Variants in AKAP19 observed in about 807,000 individuals in gnomAD.
AKAP19 encodes small A-kinase anchoring protein.
the AKAP19 span, among the ~76,000 whole-genome samples, chr2:190,126,028 C>T: frequency 1.3e-5 from 2 of 151,794 alleles, no homozygotes; most frequent in African/African-American, 2.4e-5. Flanking sequence ...CACAGTGGCT[C>T]ACACCTGTAA....
the AKAP19 span, among the ~76,000 whole-genome samples, chr2:190,086,953 T>C: frequency 6.6e-6 from 1 of 152,148 alleles, no homozygotes; most frequent in Non-Finnish European, 1.5e-5. Flanking sequence ...AAAGGAACCC[T>C]TCTAGTGTTT....
the AKAP19 span, among the ~76,000 whole-genome samples, chr2:189,999,336 C>T: frequency 6.6e-6 from 1 of 151,984 alleles, no homozygotes; most frequent in East Asian, 1.9e-4. Context: ...ACTTTAACTT[C>T]TGGGTTATTT....
At chr2:189,923,473 C>T in the AKAP19 span, 3 of 1,613,782 alleles carry the variant, frequency 1.9e-6, no homozygotes, top group East Asian at 4.5e-5. Flanking sequence ...TTGTGGGCTG[C>T]TCTGTTCATA....
chr2:189,992,369 TA>T, the AKAP19 span, among the ~76,000 whole-genome samples: 1 of 152,180 alleles, frequency 6.6e-6, no homozygotes, highest in East Asian at 1.9e-4. Flanking sequence ...ATTTTTATAC[TA>T]GTATAAAAAT....
chr2:189,984,573 C>T, the AKAP19 span, among the ~76,000 whole-genome samples: 20 of 149,394 alleles, frequency 1.3e-4, no homozygotes, highest in African/African-American at 2.7e-4. Context: ...AGTCCTGAGG[C>T]GACATACATC....
the AKAP19 span, among the ~76,000 whole-genome samples, chr2:190,090,415 T>C: frequency 6.6e-6 from 1 of 152,234 alleles, no homozygotes; most frequent in South Asian, 2.1e-4. Flanking sequence ...AACAGTGCCA[T>C]GGAGAAGATC....
the AKAP19 span, among the ~76,000 whole-genome samples, chr2:190,034,856 C>CAAAAAAAGA: frequency 1.5e-5 from 1 of 68,640 alleles, no homozygotes. Flanking sequence ...CCTGTCTCAC[C>CAAAAAAAGA]AAAAAAAAAA....
the AKAP19 span, among the ~76,000 whole-genome samples, chr2:189,927,525 G>T: frequency 2.0e-5 from 3 of 152,102 alleles, no homozygotes; most frequent in Non-Finnish European, 4.4e-5. Flanking sequence ...AAAATAGTAT[G>T]AAGAATTCTG....
the AKAP19 span, among the ~76,000 whole-genome samples, chr2:190,016,499 G>A: frequency 6.6e-6 from 1 of 152,042 alleles, no homozygotes; most frequent in Non-Finnish European, 1.5e-5. Context: ...GGGATTACGG[G>A]GATTACAATT....
At chr2:189,924,029 G>T in the AKAP19 span, 8 of 1,562,566 alleles carry the variant, frequency 5.1e-6, no homozygotes, top group African/African-American at 5.4e-5. Flanking sequence ...CGTGAAGAAA[G>T]ATGAGACTAA....
At chr2:190,088,697 T>C in the AKAP19 span, among the ~76,000 whole-genome samples, 2 of 152,198 alleles carry the variant, frequency 1.3e-5, no homozygotes, top group East Asian at 3.8e-4. Context: ...CTAGATCAAG[T>C]GAATATTTTA....
At chr2:190,070,620 C>CA in the AKAP19 span, among the ~76,000 whole-genome samples, 14 of 139,758 alleles carry the variant, frequency 1.0e-4, no homozygotes, top group East Asian at 2.4e-3. Context: ...TCTCTCCCCC[C>CA]CCCCTTTTTT....
At chr2:189,882,187 G>A in the AKAP19 span, among the ~76,000 whole-genome samples, 1 of 152,200 alleles carries the variant, frequency 6.6e-6, no homozygotes, top group African/African-American at 2.4e-5. Context: ...GATTTTCGGA[G>A]TTCACAACTT....
chr2:190,050,454 A>T, the AKAP19 span, among the ~76,000 whole-genome samples: 7 of 152,206 alleles, frequency 4.6e-5, no homozygotes, highest in Non-Finnish European at 1.0e-4. Context: ...TTTACAGCTA[A>T]TGTACAGTGT....
At chr2:190,082,668 T>C in the AKAP19 span, among the ~76,000 whole-genome samples, 9 of 152,244 alleles carry the variant, frequency 5.9e-5, no homozygotes, top group East Asian at 1.5e-3. Context: ...TGTTATTTCA[T>C]TTAATTCTCA....
At chr2:190,009,836 G>A in the AKAP19 span, among the ~76,000 whole-genome samples, 10 of 151,476 alleles carry the variant, frequency 6.6e-5, no homozygotes, top group African/African-American at 1.7e-4. Flanking sequence ...TGGGGAGAAG[G>A]CAAAAAGGCC....
At chr2:190,053,549 T>C in the AKAP19 span, among the ~76,000 whole-genome samples, 1 of 152,140 alleles carries the variant, frequency 6.6e-6, no homozygotes, top group African/African-American at 2.4e-5. Context: ...ACCAAAATAG[T>C]ATAGTTTGCT....
the AKAP19 span, among the ~76,000 whole-genome samples, chr2:190,054,337 A>G: frequency 6.6e-6 from 1 of 152,196 alleles, no homozygotes; most frequent in Non-Finnish European, 1.5e-5. Flanking sequence ...ACAAAAATTA[A>G]TTCAAGATGG....
the AKAP19 span, among the ~76,000 whole-genome samples, chr2:189,983,183 G>A: frequency 2.0e-5 from 3 of 152,152 alleles, no homozygotes; most frequent in African/African-American, 7.2e-5. Context: ...TGCTCCTGTT[G>A]CAGGGCTCAC....
Sources: allele counts gnomAD v4.1 joint callset (sites outside exome capture counted in the v4.1 genomes callset), GRCh38; gene constraint gnomAD v4.1.1; transcripts MANE v1.5; gene names NCBI Gene and HGNC (gene_info 2026-07-23, HGNC 2026-07-21).